The following ROBO2 variants were observed in gnomAD, a reference collection of about 807,000 sequenced individuals.
The protein encoded by ROBO2 is roundabout guidance receptor 2.
A neutral mutation model predicts 160.8 loss-of-function variants in ROBO2; 53 were observed. The ratio of observed to expected loss-of-function variants is 0.33; its 90% CI spans 0.26 to 0.41. The LOEUF (loss-of-function observed/expected upper bound fraction) is 0.41. Ranked by LOEUF, ROBO2 falls within the 10% of genes least tolerant of loss-of-function variation. The pLI, the probability that ROBO2 is intolerant of heterozygous loss-of-function variation, is 1.00. For missense variants in ROBO2, 1,577 were observed against 1,722.4 expected (o/e 0.92, Z 1.49); for synonymous variants, 664 against 611.7 (o/e 1.09, Z -1.26).
At chr3:76,064,747 A>G (rs978892453) in intron 2 of ROBO2, among the ~76,000 whole-genome samples, 1 of 152,156 alleles carries the variant, frequency 6.6e-6, no homozygotes, top group Non-Finnish European at 1.5e-5. Flanking sequence ...GAGCTAAGAT[A>G]TTTTAGGAAG....
At chr3:76,353,060 C>T (rs888656877) in intron 2 of ROBO2, among the ~76,000 whole-genome samples, 1 of 151,930 alleles carries the variant, frequency 6.6e-6, no homozygotes, top group South Asian at 2.1e-4. Flanking sequence ...AGTGATGATT[C>T]GTCGGACTTT....
intron 2 of ROBO2, among the ~76,000 whole-genome samples, chr3:77,473,073 A>G (rs1456657858): frequency 6.6e-6 from 1 of 152,024 alleles, no homozygotes; most frequent in Non-Finnish European, 1.5e-5. Context: ...CGTATCTCCC[A>G]GGGTGCGACG....
intron 2 of ROBO2, among the ~76,000 whole-genome samples, chr3:76,363,002 T>C (rs1462431483): frequency 1.3e-5 from 2 of 152,064 alleles, no homozygotes; most frequent in Non-Finnish European, 2.9e-5. Flanking sequence ...ATGTTTCTTT[T>C]TTACAGCCTG....
chr3:77,003,602 T>C (rs570902548), intron 2 of ROBO2, among the ~76,000 whole-genome samples: 2 of 152,224 alleles, frequency 1.3e-5, no homozygotes, highest in South Asian at 4.1e-4. Context: ...ACTCTGTCAC[T>C]CAGGCTGGAG....
At chr3:77,244,809 C>T (rs1317552605) in intron 2 of ROBO2, among the ~76,000 whole-genome samples, 14 of 146,986 alleles carry the variant, frequency 9.5e-5, no homozygotes, top group African/African-American at 5.0e-5. Flanking sequence ...ACCTGGGAGG[C>T]GGAGCTTGCA....
At chr3:76,497,370 T>C (rs2080210639) in intron 2 of ROBO2, among the ~76,000 whole-genome samples, 1 of 152,148 alleles carries the variant, frequency 6.6e-6, no homozygotes, top group Admixed American at 6.5e-5. Flanking sequence ...TAATTTTGTT[T>C]AATTTTTTAA....
intron 2 of ROBO2, among the ~76,000 whole-genome samples, chr3:77,428,337 ATATTTTTT>A (rs367910346): frequency 1.2e-4 from 15 of 128,306 alleles, no homozygotes; most frequent in East Asian, 4.9e-4. Context: ...AACTTAGGTA[ATATTTTTT>A]TTTTTTTTTT....
intron 5 of ROBO2, among the ~76,000 whole-genome samples, chr3:77,521,338 G>A (rs2090575098): frequency 6.6e-6 from 1 of 151,216 alleles, no homozygotes; most frequent in South Asian, 2.1e-4. Context: ...CTCTATGTTT[G>A]GGAGTGTGGA....
At chr3:77,538,119 A>AAAC (rs386397119) in intron 6 of ROBO2, among the ~76,000 whole-genome samples, 2 of 9,192 alleles carry the variant, frequency 2.2e-4, no homozygotes, top group African/African-American at 1.7e-3. Flanking sequence ...AATAAAAAAC[A>AAAC]AAAAAAATAG....
At chr3:77,177,301 C>A (rs1226169096) in intron 2 of ROBO2, among the ~76,000 whole-genome samples, 1 of 151,888 alleles carries the variant, frequency 6.6e-6, no homozygotes, top group Non-Finnish European at 1.5e-5. Context: ...AGCCTCTCTG[C>A]TTTAAATATA....
intron 2 of ROBO2, among the ~76,000 whole-genome samples, chr3:76,868,719 C>T (rs1357978378): frequency 6.6e-6 from 1 of 151,890 alleles, no homozygotes; most frequent in Non-Finnish European, 1.5e-5. Context: ...CTTTAAATGT[C>T]ATATTGTGCT....
intron 2 of ROBO2, among the ~76,000 whole-genome samples, chr3:76,532,358 T>C (rs1396109478): frequency 1.3e-5 from 2 of 152,210 alleles, no homozygotes; most frequent in African/African-American, 4.8e-5. Flanking sequence ...TTACTTGACA[T>C]GCACACTTTT....
intron 2 of ROBO2, among the ~76,000 whole-genome samples, chr3:76,774,104 T>C (rs1197165205): frequency 1.3e-5 from 2 of 150,918 alleles, no homozygotes; most frequent in Non-Finnish European, 1.5e-5. Flanking sequence ...AGAAACTAAA[T>C]CATAAACACA....
chr3:77,065,139 A>G (rs2149794952), intron 1 of ROBO2, among the ~76,000 whole-genome samples: 1 of 152,298 alleles, frequency 6.6e-6, no homozygotes, highest in African/African-American at 2.4e-5. Flanking sequence ...AATCACAATA[A>G]TGTTTAGTAA....
At position 76,374,603 on chromosome 3, in the gene ROBO2, A is replaced by G. The variant is rs533121040; in HGVS notation, c.109+437001A>G. On this transcript the variant is annotated intron_variant, in intron 2 of 26. Coordinates refer to the ROBO2 transcript ENST00000487694. ...TATCAGAGAAAAAAACTCCCCTTAC[A>G]TGCTAGTTATTAGCTTTACGCCTTG... Among the ~76,000 whole-genome samples the G allele has an allele frequency of 2.6e-5, 4 of 152,080 alleles. No individual in the cohort carries two copies. In the South Asian group the frequency reaches 6.2e-4, roughly 24 times the overall value.
intron 4 of ROBO2, among the ~76,000 whole-genome samples, chr3:77,491,318 T>C (rs549702216): frequency 2.6e-5 from 4 of 152,306 alleles, no homozygotes; most frequent in African/African-American, 7.2e-5. Flanking sequence ...GGTCTCCTCT[T>C]GATGAATCAT....
At chr3:76,188,732 A>G (rs554561177) in intron 2 of ROBO2, among the ~76,000 whole-genome samples, 8 of 152,198 alleles carry the variant, frequency 5.3e-5, no homozygotes, top group Middle Eastern at 3.4e-3. Context: ...AAGTCCTAGC[A>G]TGCATCAGTC....
chr3:77,606,538 G>A (rs1481524855), intron 20 of ROBO2, among the ~76,000 whole-genome samples: 3 of 152,132 alleles, frequency 2.0e-5, no homozygotes, highest in Admixed American at 6.5e-5. Flanking sequence ...GATGTTCTTT[G>A]AAATATGTGT....
chr3:77,063,274 G>A (rs570401585), intron 1 of ROBO2, among the ~76,000 whole-genome samples: 75 of 152,256 alleles, frequency 4.9e-4, no homozygotes, highest in Admixed American at 3.7e-3. Flanking sequence ...AGGAGTGTAC[G>A]TGTCTGTTTT....
Sources: gnomAD v4.1 joint callset for allele counts (sites outside exome capture counted in the v4.1 genomes callset) on GRCh38, gnomAD v4.1.1 for gene constraint, MANE v1.5 for transcripts, NCBI Gene and HGNC (gene_info 2026-07-23, HGNC 2026-07-21) for gene names.